OCA2: variants seen among roughly 807,000 people sequenced by gnomAD.
OCA2 encodes P protein.
Under a neutral mutation model 100.2 loss-of-function variants are expected in OCA2, and 77 were observed. The observed-to-expected ratio is 0.77, with a 90% confidence interval of 0.64 to 0.93. OCA2 has a LOEUF of 0.93. Ranked by LOEUF, OCA2 falls within the 40% of genes least tolerant of loss-of-function variation. The pLI is 0.00. For missense variants in OCA2, 1,062 were observed against 1,089.1 expected (o/e 0.98, Z 0.35); for synonymous variants, 432 against 439.2 (o/e 0.98, Z 0.21).
intron 23 of OCA2, among the ~76,000 whole-genome samples, chr15:27,785,304 A>G (rs2032755668): frequency 6.6e-6 from 1 of 151,408 alleles, no homozygotes; most frequent in Non-Finnish European, 1.5e-5. Flanking sequence ...ACAGGTACAT[A>G]AACAAATTCA....
At chr15:27,979,868 G>GTTTTTTTTTTTTTTTTTTTTT (rs35266057) in intron 14 of OCA2, among the ~76,000 whole-genome samples, 1 of 108,032 alleles carries the variant, frequency 9.3e-6, no homozygotes. Context: ...CCCAGCTAGT[G>GTTTTTTTTTTTTTTTTTTTTT]TTTTTTTTTT....
At chr15:27,750,482 G>A (rs1384931762), downstream of OCA2, among the ~76,000 whole-genome samples, 1 of 152,176 alleles carries the variant, frequency 6.6e-6, no homozygotes, top group South Asian at 2.1e-4. Flanking sequence ...GGCATATAGA[G>A]AAAGGAGTCC....
chr15:27,729,990 G>A, the OCA2 span, among the ~76,000 whole-genome samples: 1 of 152,098 alleles, frequency 6.6e-6, no homozygotes, highest in Non-Finnish European at 1.5e-5. Flanking sequence ...ACAACAACTA[G>A]GTGTCCAACA....
At position 28,081,685 on chromosome 15, in the gene OCA2, C is replaced by T. The variant is rs753368228; in HGVS notation, c.190G>A (p.Ala64Thr). The T allele has an allele frequency of 6.2e-7, 1 of 1,613,852 alleles. No homozygotes were observed. Among genetic ancestry groups the T allele is most frequent in the Non-Finnish European group, 8.5e-7 (1 of 1,180,014 alleles). The change falls in exon 2 of 24, where the codon GCA becomes ACA. Residue 64 changes from alanine to threonine, a missense_variant. By Grantham distance (58) the Ala-to-Thr change is moderately conservative (BLOSUM62 0). Transcript: ENST00000354638. ...GAAGQSSWAP[A>T]GQEFASFLTK... ...AGGAATGAAGCAAACTCCTGGCCTG[C>T]AGGAGCCCAAGAGCTCTGCCCGGCA...
At chr15:27,765,747 A>G (rs551713337) in intron 23 of OCA2, among the ~76,000 whole-genome samples, 1 of 152,328 alleles carries the variant, frequency 6.6e-6, no homozygotes, top group South Asian at 2.1e-4. Flanking sequence ...ATTGGGCTTC[A>G]AGAATAATAA....
Position 28,010,782 on chromosome 15 carries a change from G to A in OCA2, c.1044+3994C>T, listed in dbSNP as rs113778099. Among the ~76,000 whole-genome samples, 1,107 of 152,282 alleles carry A rather than the reference G, an allele frequency of 7.3e-3. 15 individuals are homozygous for A. Among genetic ancestry groups the A allele is most frequent in the African/African-American group, 0.025 (1,053 of 41,558 alleles). On this transcript the variant is annotated intron_variant, in intron 9 of 23. Transcript: ENST00000354638. The stretch of plus-strand genomic sequence containing the variant: ...AGCACCACATGAAAAAGCAACTGAA[G>A]TCCTAGAAAATAGAAATGTAACTTT...
intron 23 of OCA2, among the ~76,000 whole-genome samples, chr15:27,764,798 A>C (rs2031123308): frequency 1.3e-5 from 2 of 152,238 alleles, no homozygotes; most frequent in Non-Finnish European, 2.9e-5. Flanking sequence ...GAGGATTCTT[A>C]GATCTTGCCC....
Position 27,819,901 on chromosome 15 carries a change from ACTGGAG to A in OCA2, c.2432+25052_2432+25057del, listed in dbSNP as rs1156430561. On this transcript the variant is annotated intron_variant, in intron 23 of 23. Coordinates refer to ENST00000354638, the MANE Select transcript of OCA2 (RefSeq NM_000275.3). ...TCTTGGAGAAACGTTGTATTCTAGGACTGGAGCAGGAAGTATATAAGATGAGCGTGG... is the reference window on the plus strand; with the variant it reads ...TCTTGGAGAAACGTTGTATTCTAGGACAGGAAGTATATAAGATGAGCGTGG... Among the ~76,000 whole-genome samples the A allele has an allele frequency of 2.6e-4, 39 of 152,260 alleles. 2 individuals carry two copies. The East Asian group carries it at 5.0e-3, about 20-fold the overall frequency.
chr15:27,973,639 A>C (rs2140899319), intron 14 of OCA2, among the ~76,000 whole-genome samples: 1 of 152,080 alleles, frequency 6.6e-6, no homozygotes, highest in Admixed American at 6.5e-5. Flanking sequence ...TGTTATTTTT[A>C]TTTAGGATTG....
chr15:27,910,647 CT>C (rs1458182005), intron 19 of OCA2, among the ~76,000 whole-genome samples: 2 of 143,386 alleles, frequency 1.4e-5, no homozygotes, highest in African/African-American at 5.3e-5. Context: ...GTTGTATGTG[CT>C]TATTTATGTT....
intron 16 of OCA2, 106 bp from the exon 17 acceptor site, chr15:27,955,321 G>A: frequency 1.2e-6 from 1 of 852,594 alleles, no homozygotes; most frequent in Admixed American, 1.7e-5. Context: ...TCTGTGACTT[G>A]GAGCCTGGCT....
intron 15 of OCA2, among the ~76,000 whole-genome samples, chr15:27,963,051 T>A (rs1249976287): frequency 6.6e-6 from 1 of 152,236 alleles, no homozygotes; most frequent in Admixed American, 6.5e-5. Context: ...AGATTGTTTT[T>A]ATAGCAAGGT....
At chr15:27,904,182 G>C (rs1261398260) in intron 19 of OCA2, among the ~76,000 whole-genome samples, 1 of 152,100 alleles carries the variant, frequency 6.6e-6, no homozygotes, top group East Asian at 1.9e-4. Flanking sequence ...AGGGAAGCCA[G>C]CCCACAGTGC....
chr15:27,806,020 A>G (rs1458691532), intron 23 of OCA2, among the ~76,000 whole-genome samples: 2 of 152,236 alleles, frequency 1.3e-5, no homozygotes, highest in African/African-American at 4.8e-5. Flanking sequence ...GAAAGTAAAT[A>G]GTTACAGTGC....
At chr15:28,048,390 A>C (rs561964089) in intron 2 of OCA2, among the ~76,000 whole-genome samples, 1 of 152,316 alleles carries the variant, frequency 6.6e-6, no homozygotes, top group African/African-American at 2.4e-5. Flanking sequence ...AAACTCATAC[A>C]TCTTATGGCC....
the OCA2 span, among the ~76,000 whole-genome samples, chr15:27,743,194 G>A: frequency 0.43 from 65,675 of 151,970 alleles, 15,482 homozygotes; most frequent in Non-Finnish European, 0.54. Context: ...CTGGCTGCCC[G>A]GCCACCCAGG....
intron 21 of OCA2, among the ~76,000 whole-genome samples, chr15:27,870,820 GAA>G (rs751511270): frequency 0.016 from 2,332 of 149,934 alleles, 18 homozygotes; most frequent in Non-Finnish European, 0.022. Flanking sequence ...AAGAGAGAGA[GAA>G]AGAAAGAAAG....
chr15:27,992,870 C>T (rs1424526902), intron 9 of OCA2, among the ~76,000 whole-genome samples: 1 of 152,178 alleles, frequency 6.6e-6, no homozygotes, highest in Non-Finnish European at 1.5e-5. Flanking sequence ...CACCTGTAAT[C>T]GCAGCACTTT....
intron 22 of OCA2, among the ~76,000 whole-genome samples, chr15:27,847,530 C>A (rs1162255270): frequency 6.6e-6 from 1 of 152,156 alleles, no homozygotes; most frequent in African/African-American, 2.4e-5. Flanking sequence ...AGAGGAGGCC[C>A]TGGAGAGGAG....
Sources: gnomAD v4.1 joint callset for allele counts (sites outside exome capture counted in the v4.1 genomes callset) on GRCh38, gnomAD v4.1.1 for gene constraint, MANE v1.5 for transcripts, NCBI Gene and HGNC (gene_info 2026-07-23, HGNC 2026-07-21) for gene names.